The following TENM2 variants were observed in gnomAD, a reference collection of about 807,000 sequenced individuals.
TENM2 encodes the protein teneurin-2.
A neutral mutation model predicts 245.2 loss-of-function variants in TENM2; 52 were observed. The observed-to-expected ratio is 0.21, with a 90% CI of 0.17 to 0.27. The LOEUF is 0.27. TENM2 is among the 10% of genes least tolerant of loss of function. The pLI, the probability that TENM2 is intolerant of heterozygous loss-of-function variation, is 1.00. For missense variants in TENM2, 3,046 were observed against 3,666.8 expected, an observed-to-expected ratio of 0.83 and a Z score of 4.37; for synonymous variants, 1,363 against 1,438.9, an observed-to-expected ratio of 0.95 and a Z score of 1.19.
chr5:167,327,923 G>A (rs1757184786), intron 1 of TENM2, among the ~76,000 whole-genome samples: 1 of 152,176 alleles, frequency 6.6e-6, no homozygotes, highest in Non-Finnish European at 1.5e-5. Context: ...GATGATGTTT[G>A]TGATGATATT....
chr5:167,084,348 T>C, the TENM2 span, among the ~76,000 whole-genome samples: 11 of 100,110 alleles, frequency 1.1e-4, no homozygotes, highest in African/African-American at 4.2e-4. Context: ...TATATATATA[T>C]ATATATATAT....
chr5:167,457,410 G>A (rs990331177), intron 2 of TENM2, among the ~76,000 whole-genome samples: 19 of 151,272 alleles, frequency 1.3e-4, no homozygotes, highest in Middle Eastern at 3.2e-3. Flanking sequence ...TCAGCTCACC[G>A]CAACCTCCAC....
intron 2 of TENM2, among the ~76,000 whole-genome samples, chr5:167,706,320 A>C (rs1758520523): frequency 6.8e-6 from 1 of 147,722 alleles, no homozygotes; most frequent in Admixed American, 6.8e-5. Flanking sequence ...TATATAAGAA[A>C]ATATATATTA....
At chr5:168,102,475 T>A (rs925946400) in intron 9 of TENM2, among the ~76,000 whole-genome samples, 1 of 152,210 alleles carries the variant, frequency 6.6e-6, no homozygotes, top group Non-Finnish European at 1.5e-5. Flanking sequence ...GAGAGTAATA[T>A]TTTCACTTTG....
intron 2 of TENM2, among the ~76,000 whole-genome samples, chr5:167,843,235 A>G (rs547462743): frequency 2.0e-5 from 3 of 152,332 alleles, no homozygotes; most frequent in Admixed American, 2.0e-4. Context: ...GTTTAAGCCC[A>G]ATAAAATTAC....
the TENM2 span, among the ~76,000 whole-genome samples, chr5:167,011,702 G>A: frequency 6.6e-6 from 1 of 152,208 alleles, no homozygotes; most frequent in East Asian, 1.9e-4. Context: ...ACCCAGGGAG[G>A]TAGAGGCTTT....
chr5:167,032,757 A>G, the TENM2 span, among the ~76,000 whole-genome samples: 8,426 of 152,122 alleles, frequency 0.055, 780 homozygotes, highest in African/African-American at 0.19. Context: ...TGGTTACTAT[A>G]TTCTTGTTTT....
intron 2 of TENM2, among the ~76,000 whole-genome samples, chr5:167,710,487 G>A (rs1758838936): frequency 1.3e-5 from 2 of 152,176 alleles, no homozygotes; most frequent in South Asian, 4.1e-4. Flanking sequence ...AGCTGACTGT[G>A]AAAGGCTGAA....
Position 167,928,913 on chromosome 5 carries a change from A to G in TENM2, c.713-23675A>G, listed in dbSNP as rs1405761881. Among the ~76,000 whole-genome samples, 206 of 135,392 alleles carry G rather than the reference A, an allele frequency of 1.5e-3. 1 individual carries two copies. Among genetic ancestry groups the G allele is most frequent in the Non-Finnish European group, 2.3e-3 (149 of 66,012 alleles). 88.8% of individuals were successfully genotyped at this position (135,392 alleles called of 152,430 possible). On this transcript the variant is annotated intron_variant, in intron 3 of 28. Transcript: ENST00000518659. Reference sequence around the variant, plus strand: ...CCTGGCTCAAAAAAAAAAAAAAAAAAAAGAAGAAGAAAGAAGGAAAAAGAA... The same window carrying G: ...CCTGGCTCAAAAAAAAAAAAAAAAAGAAGAAGAAGAAAGAAGGAAAAAGAA...
chr5:167,697,306 A>G (rs1358141181), intron 2 of TENM2, among the ~76,000 whole-genome samples: 1 of 152,132 alleles, frequency 6.6e-6, no homozygotes, highest in Non-Finnish European at 1.5e-5. Context: ...ACTTTTAGAA[A>G]TAGTTCCTCC....
rs113628366 is a variant in TENM2, at chr5:167,357,649, A to C, written c.227-17549A>C. ...TCAATATAGTCACCACAATTTAATT[A>C]TTTTATGTGAATCAAGGCAAGGCTA... is the stretch of plus-strand genomic sequence containing the variant. On this transcript the variant is annotated intron_variant, in intron 1 of 28. Transcript: ENST00000518659. 2.3e-3 allele frequency among the ~76,000 whole-genome samples: 357 copies of C among 152,266 alleles called. 2 individuals are homozygous for C. Among genetic ancestry groups the C allele is most frequent in the African/African-American group, 8.3e-3 (344 of 41,564 alleles).
At chr5:167,465,924 G>T (rs981308607) in intron 2 of TENM2, among the ~76,000 whole-genome samples, 2 of 152,136 alleles carry the variant, frequency 1.3e-5, no homozygotes, top group Non-Finnish European at 2.9e-5. Context: ...TATCTGCCTT[G>T]ATCCAAAGTC....
intron 5 of TENM2, among the ~76,000 whole-genome samples, chr5:168,040,607 G>T (rs1178555540): frequency 6.6e-6 from 1 of 152,196 alleles, no homozygotes; most frequent in Admixed American, 6.5e-5. Flanking sequence ...AGGATTTTTG[G>T]TAACCCTTTA....
At chr5:167,137,362 A>G in the TENM2 span, among the ~76,000 whole-genome samples, 64 of 152,210 alleles carry the variant, frequency 4.2e-4, 1 homozygote, top group African/African-American at 1.1e-3. Flanking sequence ...GATACATTTC[A>G]TAAGAAATTT....
At chr5:167,781,390 A>C (rs1764177316) in intron 2 of TENM2, among the ~76,000 whole-genome samples, 1 of 152,250 alleles carries the variant, frequency 6.6e-6, no homozygotes, top group South Asian at 2.1e-4. Flanking sequence ...AATACAAAGA[A>C]AAAATATTAA....
At chr5:167,654,039 C>A (rs1195223216) in intron 2 of TENM2, 1 of 152,050 alleles carries the variant, frequency 6.6e-6, no homozygotes, top group African/African-American at 2.4e-5. Context: ...TTGTTTTTTT[C>A]TTACATCAGT....
chr5:167,991,442 A>G lies in TENM2; in HGVS notation c.948-1502A>G, dbSNP rs971642281. ...AGCATTTACTTAACTCCTGCCTTAAATCCCACTACACATTTCCTGGAAGAC... is the reference window on the plus strand; with the variant it reads ...AGCATTTACTTAACTCCTGCCTTAAGTCCCACTACACATTTCCTGGAAGAC... On this transcript the variant is annotated intron_variant, in intron 4 of 28. Transcript: ENST00000518659. Among the ~76,000 whole-genome samples, 5 of 152,210 alleles carry G rather than the reference A, an allele frequency of 3.3e-5. No homozygotes were observed. The South Asian group carries it at 8.3e-4, about 25-fold the overall frequency.
At chr5:167,057,592 G>C in the TENM2 span, among the ~76,000 whole-genome samples, 1 of 152,110 alleles carries the variant, frequency 6.6e-6, no homozygotes, top group African/African-American at 2.4e-5. Flanking sequence ...AGGATGGCTG[G>C]AAGGGGCTAA....
chr5:167,429,488 A>G (rs2127439097), intron 2 of TENM2, among the ~76,000 whole-genome samples: 1 of 152,320 alleles, frequency 6.6e-6, no homozygotes, highest in South Asian at 2.1e-4. Context: ...GGAGCCTGAA[A>G]ATGAACAAGA....
Sources: gnomAD v4.1 joint callset for allele counts (sites outside exome capture counted in the v4.1 genomes callset) on GRCh38, gnomAD v4.1.1 for gene constraint, MANE v1.5 for transcripts, NCBI Gene and HGNC (gene_info 2026-07-23, HGNC 2026-07-21) for gene names.